The following RORC variants were observed in gnomAD, a reference collection of about 807,000 sequenced individuals.
RORC encodes the protein RAR related orphan receptor C.
Under a neutral mutation model 64.5 loss-of-function variants are expected in RORC, and 13 were observed. The ratio of observed to expected loss-of-function variants is 0.20; its 90% CI spans 0.13 to 0.32. RORC has a LOEUF of 0.32. Among genes scored for constraint, RORC ranks in the 10% least tolerant of loss-of-function variants. RORC has a pLI of 1.00. For synonymous variants in RORC, 277 were observed against 259.3 expected (o/e 1.07, Z -0.65); for missense variants, 468 against 669.5 (o/e 0.70, Z 3.32).
chr1:151,826,139 C>G (rs546659478), intron 2 of RORC: 8 of 1,255,802 alleles, frequency 6.4e-6, no homozygotes, highest in Non-Finnish European at 7.1e-6. Flanking sequence ...CAAGTGACAA[C>G]CCCCCACCCC....
chr1:151,829,922 G>A (rs1298768684), intron 1 of RORC, among the ~76,000 whole-genome samples: 1 of 152,202 alleles, frequency 6.6e-6, no homozygotes, highest in Non-Finnish European at 1.5e-5. Flanking sequence ...TATGAAATGG[G>A]TCTTTCCTGC....
At chr1:151,823,942 C>T (rs180875798) in intron 2 of RORC, among the ~76,000 whole-genome samples, 26 of 152,210 alleles carry the variant, frequency 1.7e-4, no homozygotes, top group African/African-American at 6.3e-4. Flanking sequence ...CACCTCCATG[C>T]GTTTGGCTCT....
chr1:151,820,919 C>T (rs990012241), intron 2 of RORC, among the ~76,000 whole-genome samples: 1 of 152,140 alleles, frequency 6.6e-6, no homozygotes, highest in Admixed American at 6.5e-5. Context: ...CTGGGGTTGG[C>T]GATCTTTTCC....
At chr1:151,808,659 C>T (rs1651404913) in intron 10 of RORC, among the ~76,000 whole-genome samples, 1 of 152,172 alleles carries the variant, frequency 6.6e-6, no homozygotes, top group South Asian at 2.1e-4. Context: ...CTGAGCTAGG[C>T]ACTGTGATGG....
chr1:151,831,621 C>T (rs1268105123), intron 1 of RORC, 104 bp downstream of exon 1: 1 of 1,598,588 alleles, frequency 6.3e-7, no homozygotes, highest in African/African-American at 1.3e-5. Flanking sequence ...CACTCTTGTC[C>T]CTCCCTCCCC....
intron 2 of RORC, among the ~76,000 whole-genome samples, chr1:151,823,008 G>A (rs1354423478): frequency 2.0e-5 from 3 of 152,118 alleles, no homozygotes; most frequent in Admixed American, 1.3e-4. Context: ...GGTAGGGACC[G>A]AATATTTTCA....
At chr1:151,828,190 G>A (rs1021150176) in intron 2 of RORC, among the ~76,000 whole-genome samples, 3 of 152,156 alleles carry the variant, frequency 2.0e-5, no homozygotes, top group African/African-American at 7.2e-5. Context: ...CTTGGAACAG[G>A]GAGGCTCTAG....
At position 151,811,329 on chromosome 1, in the gene RORC, G is replaced by A. The variant is rs113195254; in HGVS notation, c.1391C>T (p.Ala464Val). Reference sequence around the variant, plus strand: ...TACCCCAGGGACTGCTCCTACCTTTGCCAGGATGCTTTGGCGATGAGTCTT... The same window carrying A: ...TACCCCAGGGACTGCTCCTACCTTTACCAGGATGCTTTGGCGATGAGTCTT... ...LCKTHRQSIL[A>V]KLPPKGKLRS... Residue 464 changes from alanine (A) to valine (V), a missense_variant, in exon 10 of 11, where the codon GCA becomes GTA. Ala to Val is a moderately conservative substitution (Grantham distance 64, BLOSUM62 0). Around this residue, in one of 5 missense-constraint regions of RORC, gnomAD observed 93 missense variants for 116.6 expected, o/e 0.80. Transcript: ENST00000318247. 3.5e-5 allele frequency: 57 copies of A among 1,609,832 alleles called. No homozygotes were observed. The African/African-American group carries it at 7.2e-4, about 20-fold the overall frequency.
chr1:151,807,602 C>G lies in RORC; in HGVS notation c.1427G>C (p.Cys476Ser), dbSNP rs369382764. 1 of 1,614,090 alleles carries G rather than the reference C, an allele frequency of 6.2e-7. No individual in the cohort carries two copies. The highest frequency in any genetic ancestry group is 1.3e-5 in the African/African-American group (1 of 74,922). Residue 476 changes from cysteine (C) to serine (S), a missense_variant, in exon 11 of 11, where the codon TGT (cysteine) becomes TCT (serine). Coordinates refer to ENST00000318247, the MANE Select transcript of RORC (RefSeq NM_005060.4). The surrounding 1 kb of genome is among the most constrained non-coding windows in gnomAD (Gnocchi z 5.0). ...CTGCAGCCTTTCCACATGCTGGCTACACAGGCTCCGAAGCTTCCCCTTGGG... is the reference window on the plus strand; with the variant it reads ...CTGCAGCCTTTCCACATGCTGGCTAGACAGGCTCCGAAGCTTCCCCTTGGG... ...LPPKGKLRSL[C>S]SQHVERLQIF...
In RORC at chr1:151,814,688, C is replaced by T. The variant is rs1651677821; in HGVS notation, c.819G>A (p.Leu273=). The change falls in exon 6 of 11, where the codon CTG becomes CTA. Residue 273 remains leucine, a synonymous_variant. Coordinates refer to ENST00000318247, the MANE Select transcript of RORC (RefSeq NM_005060.4). ...PYASLTEIEH[L]VQSVCKSYRE... Reference sequence around the variant, plus strand: ...TGTAGGACTTGCAGACGCTCTGCACCAGGTGCTCTGGGGCCGGAGAAGGAA... The same window carrying T: ...TGTAGGACTTGCAGACGCTCTGCACTAGGTGCTCTGGGGCCGGAGAAGGAA... 5 of 1,607,160 alleles carry T rather than the reference C, an allele frequency of 3.1e-6. No homozygotes were observed. Among genetic ancestry groups the T allele is most frequent in the Non-Finnish European group, 4.3e-6 (5 of 1,174,724 alleles).
chr1:151,828,370 T>C (rs1172552297), intron 2 of RORC, among the ~76,000 whole-genome samples: 1 of 152,178 alleles, frequency 6.6e-6, no homozygotes. Flanking sequence ...GGCATAGCTT[T>C]GGGACTGTGT....
chr1:151,815,997 G>A (rs1470099860), intron 4 of RORC, among the ~76,000 whole-genome samples: 1 of 149,770 alleles, frequency 6.7e-6, no homozygotes, highest in Admixed American at 6.7e-5. Flanking sequence ...CCCTCGCCCC[G>A]CCTGCCCCTT....
rs543747848 is a variant in RORC, at chr1:151,822,893, C to T, written c.71-5613G>A. On this transcript the variant is annotated intron_variant, in intron 2 of 10. Transcript: ENST00000318247. ...GACTAGCTATATGGGAACAGGAGCG[C>T]GGGCCTTGGGCTGCCCGCCTGGGAG... is the stretch of plus-strand genomic sequence containing the variant. Among the ~76,000 whole-genome samples the T allele has an allele frequency of 7.2e-5, 11 of 152,378 alleles. No individual in the cohort carries two copies. In the East Asian group the frequency reaches 1.5e-3, roughly 21 times the overall value.
chr1:151,816,048 A>T (rs762477639), intron 4 of RORC, among the ~76,000 whole-genome samples: 1 of 151,356 alleles, frequency 6.6e-6, no homozygotes, highest in Non-Finnish European at 1.5e-5. Flanking sequence ...TATTTTGGGC[A>T]CTGAAAAGTG....
chr1:151,811,582 T>C (rs1014213363), intron 9 of RORC, 148 bp from the exon 10 acceptor site: 4 of 531,420 alleles, frequency 7.5e-6, no homozygotes, highest in African/African-American at 1.9e-5. Context: ...TTGATAATGG[T>C]AAGCTCTGGA....
chr1:151,831,514 C>T, intron 1 of RORC: 1 of 362,042 alleles, frequency 2.8e-6, no homozygotes, highest in Non-Finnish European at 3.8e-6. Flanking sequence ...TCCTGTTTCT[C>T]TCCTTTTGCG....
Position 151,830,621 on chromosome 1 carries a change from TACACACACACACAC to T in RORC, c.40+1090_40+1103del, listed in dbSNP as rs1553293049. 8.8e-5 allele frequency among the ~76,000 whole-genome samples: 5 copies of T among 57,074 alleles called. No individual in the cohort carries two copies. Among genetic ancestry groups the T allele is most frequent in the Admixed American group, 1.6e-4 (1 of 6,244 alleles). The allele number at this position is 57,074 out of a possible 152,430, so 37.4% of individuals were successfully genotyped here. ...TGCTGTTCAGTCTTGACACCTGACA[TACACACACACACAC>T]ACACACACACACACACACACACACA... is the stretch of plus-strand genomic sequence containing the variant. On this transcript the variant is annotated intron_variant, in intron 1 of 10. Coordinates refer to ENST00000318247, the MANE Select transcript of RORC (RefSeq NM_005060.4). This position sits in a 1 kb window ranked among gnomAD's most constrained non-coding sequence, Gnocchi z 4.0.
intron 2 of RORC, 95 bp downstream of exon 2, chr1:151,829,334 T>C (rs977786099): frequency 2.9e-5 from 36 of 1,238,668 alleles, no homozygotes; most frequent in Non-Finnish European, 3.7e-5. Flanking sequence ...CTCCTCCACC[T>C]CTGTCCAACC....
chr1:151,814,977 G>A lies in RORC; in HGVS notation c.747C>T (p.Asp249=), dbSNP rs1211685927. Residue 249 remains aspartate (D), a synonymous_variant, in exon 5 of 11, where the codon GAC becomes GAT. Coordinates refer to ENST00000318247, the MANE Select transcript of RORC (RefSeq NM_005060.4). The part of the protein sequence containing the change: ...PGLGELGQGP[D]SYGSPSFRST... ...TGCGGAAACTGGGGCTGCCGTAGCT[G>A]TCTGGGCCCTGTCCCAGTTCCCCAA... 2.5e-6 allele frequency: 4 copies of A among 1,614,100 alleles called. No individual in the cohort carries two copies. The highest frequency in any genetic ancestry group is 3.4e-6 in the Non-Finnish European group (4 of 1,180,038).
Sources: gnomAD v4.1 joint callset for allele counts (sites outside exome capture counted in the v4.1 genomes callset) on GRCh38, gnomAD v4.1.1 for gene constraint, gnomAD v4.1.1 regional missense constraint, Gnocchi (gnomAD v3.1) non-coding constraint, MANE v1.5 for transcripts, NCBI Gene and HGNC (gene_info 2026-07-23, HGNC 2026-07-21) for gene names.